BBS2: variants seen among roughly 807,000 people sequenced by gnomAD.
BBS2 encodes BBSome complex member BBS2.
In BBS2, 62 loss-of-function variants were observed where a neutral mutation model predicts 83.0. The ratio of observed to expected loss-of-function variants is 0.75; its 90% CI spans 0.61 to 0.92. BBS2 has a LOEUF of 0.92. Ranked by LOEUF, BBS2 falls within the 40% of genes least tolerant of loss-of-function variation. The pLI is 0.00. For missense variants in BBS2, 784 were observed against 901.0 expected (o/e 0.87, Z 1.66); for synonymous variants, 303 against 326.1 (o/e 0.93, Z 0.76).
In BBS2 at chr16:56,510,875, C is replaced by G. The variant is rs750388760; in HGVS notation, c.518G>C (p.Gly173Ala). ...VNSLALCDFD[G>A]DGKKELLVGS... ...CCCACATACCTCTTTCTTTCCATCA[C>G]CATCAAAGTCACACAAGGCCAAGGA... Residue 173 changes from glycine to alanine, a missense_variant, in exon 4 of 17, where the codon GGT becomes GCT. Coordinates refer to ENST00000245157, the MANE Select transcript of BBS2 (RefSeq NM_031885.5). The G allele has an allele frequency of 6.2e-7, 1 of 1,614,096 alleles. No individual in the cohort carries two copies. The highest frequency in any genetic ancestry group is 2.2e-5 in the East Asian group (1 of 44,886).
At position 56,497,846 on chromosome 16, in the gene BBS2, C is replaced by T; in HGVS notation, c.1694G>A (p.Gly565Asp). 1 of 1,612,096 alleles carries T rather than the reference C, an allele frequency of 6.2e-7. No homozygotes were observed. Among genetic ancestry groups the T allele is most frequent in the South Asian group, 1.1e-5 (1 of 91,066 alleles). The change falls in exon 14 of 17, where the codon GGT becomes GAT. Residue 565 changes from glycine (G) to aspartate (D), a missense_variant. Physicochemically the swap from Gly to Asp is moderately conservative, Grantham distance 94. Transcript: ENST00000245157. ...TINTDDIDLA[G>D]DIIQSMASFF... is the part of the protein sequence containing the mutation. ...TGATGCCATTGACTGGATGATATCA[C>T]CAGCCAAATCAATATCATCAGTATT...
chr16:56,483,948 G>A (rs1352877559), downstream of BBS2, among the ~76,000 whole-genome samples: 9 of 150,612 alleles, frequency 6.0e-5, no homozygotes, highest in South Asian at 2.1e-4. Context: ...GGATCCACCC[G>A]CCTTGGCCTC....
At chr16:56,494,009 A>T (rs1964038393) in intron 15 of BBS2, among the ~76,000 whole-genome samples, 1 of 151,742 alleles carries the variant, frequency 6.6e-6, no homozygotes, top group Non-Finnish European at 1.5e-5. Context: ...CCCAGGCTGG[A>T]TTGCAGTGTC....
chr16:56,470,663 A>C, exon 18 of BBS2: 1 of 1,614,208 alleles, frequency 6.2e-7, no homozygotes, highest in South Asian at 1.1e-5. Context: ...GAAACCACTG[A>C]TATCACTGAA....
At chr16:56,510,070 A>G in intron 4 of BBS2, 36 bp from the exon 5 acceptor site, 1 of 1,598,278 alleles carries the variant, frequency 6.3e-7, no homozygotes, top group East Asian at 2.2e-5. Context: ...CAGGTGAGTA[A>G]GTGCAAACAA....
chr16:56,478,443 T>C (rs1963572471), intron 17 of BBS2: 1 of 152,192 alleles, frequency 6.6e-6, no homozygotes, highest in African/African-American at 2.4e-5. Flanking sequence ...TTACTAATGG[T>C]TAATGTCACA....
chr16:56,514,365 C>T lies in BBS2; in HGVS notation c.345+88G>A, dbSNP rs189367954. On this transcript the variant is annotated intron_variant, in intron 2 of 16. Coordinates refer to ENST00000245157, the MANE Select transcript of BBS2 (RefSeq NM_031885.5). ...CTATAACAGTCATACAACAAACAGA[C>T]CAAAATAAATGATCTGATCTCTTCT... 251 of 1,286,508 alleles carry T rather than the reference C, an allele frequency of 2.0e-4. 2 individuals carry two copies. In the African/African-American group the frequency reaches 2.6e-3, roughly 14 times the overall value. 79.7% of individuals were successfully genotyped at this position (1,286,508 alleles called of 1,614,324 possible). A position where few individuals can be genotyped will look rare whatever the true frequency, so the allele number is the denominator to read the frequency against.
chr16:56,514,352 T>C (rs1173687265), intron 2 of BBS2, 101 bp downstream of exon 2: 4 of 1,126,886 alleles, frequency 3.5e-6, no homozygotes, highest in Non-Finnish European at 5.3e-6. Flanking sequence ...ATAACAGTCA[T>C]ACAACAAACA....
At position 56,510,011 on chromosome 16, in the gene BBS2, A is replaced by G. The variant is rs768109068; in HGVS notation, c.558T>C (p.Phe186=). The change falls in exon 5 of 17, where the codon TTT becomes TTC. Residue 186 remains phenylalanine (F), a synonymous_variant. Transcript: ENST00000245157. The stretch of plus-strand genomic sequence containing the variant: ...CATCTTCCTTAAAAACTCGGATATC[A>G]AAATCCTCAGATCCAACAAGAAGCT... ...KKELLVGSED[F]DIRVFKEDEI... 6.8e-6 allele frequency: 11 copies of G among 1,614,026 alleles called. No homozygotes were observed. In the East Asian group the frequency reaches 2.4e-4, roughly 36 times the overall value.
chr16:56,470,797 C>A, intron 17 of BBS2: 1 of 1,577,048 alleles, frequency 6.3e-7, no homozygotes, highest in Non-Finnish European at 8.6e-7. Flanking sequence ...GAAAGGTAAG[C>A]TGTTGTTAGG....
rs867602304 is a variant in BBS2, at chr16:56,519,997, C to T, written c.-135G>A. ...CGCCTCAGGCCGGACGCGAAACAGC[C>T]CGGGACGAACCCGTCCAGGTACCGC... On this transcript the variant is annotated 5_prime_UTR_variant, in exon 1 of 17. Coordinates refer to ENST00000245157, the MANE Select transcript of BBS2 (RefSeq NM_031885.5). The T allele has an allele frequency of 8.0e-6, 6 of 748,124 alleles. No individual in the cohort carries two copies. The highest frequency in any genetic ancestry group is 3.2e-4 in the Middle Eastern group (1 of 3,088). The allele number at this position is 748,124 out of a possible 1,614,324, so 46.3% of individuals were successfully genotyped here.
chr16:56,511,379 G>T, intron 2 of BBS2, 95 bp from the exon 3 acceptor site: 1 of 1,522,820 alleles, frequency 6.6e-7, no homozygotes, highest in South Asian at 1.1e-5. Flanking sequence ...AGCAGATTTT[G>T]AGTAAAACAG....
intron 13 of BBS2, 131 bp from the exon 14 acceptor site, chr16:56,498,011 G>C (rs984756199): frequency 2.0e-6 from 2 of 993,928 alleles, no homozygotes; most frequent in Non-Finnish European, 3.0e-6. Context: ...GTTGAAAAAG[G>C]AAAGTTTAGC....
In BBS2 at chr16:56,519,814, G is replaced by C. The variant is rs1398091050; in HGVS notation, c.49C>G (p.Arg17Gly). 3 of 1,613,864 alleles carry C rather than the reference G, an allele frequency of 1.9e-6. No homozygotes were observed. The South Asian group carries it at 3.3e-5, about 18-fold the overall frequency. ...TLKLRHKISP[R>G]MVAIGRYDGT... ...TCGTAGCGCCCTATGGCCACCATTC[G>C]GGGGCTGATTTTGTGGCGCAGTTTC... The change falls in exon 1 of 17, where the codon CGA becomes GGA. Residue 17 changes from arginine (R) to glycine (G), a missense_variant. Arg to Gly is a moderately radical substitution (Grantham distance 125). Coordinates refer to ENST00000245157, the MANE Select transcript of BBS2 (RefSeq NM_031885.5).
At chr16:56,516,275 T>A (rs1293368290) in intron 1 of BBS2, 1 of 152,198 alleles carries the variant, frequency 6.6e-6, no homozygotes, top group African/African-American at 2.4e-5. Flanking sequence ...GTTCACACTT[T>A]TGTTCTAGCT....
At chr16:56,494,688 C>A (rs1233765840) in intron 15 of BBS2, among the ~76,000 whole-genome samples, 2 of 152,180 alleles carry the variant, frequency 1.3e-5, no homozygotes, top group Admixed American at 1.3e-4. Context: ...AAAGGCCGGG[C>A]GCAGTAGCTC....
rs776829338 is a variant in BBS2 at position 56,498,508 on chromosome 16, G to A, written c.1588C>T (p.Pro530Ser). 6.2e-7 allele frequency: 1 copy of A among 1,613,994 alleles called. No individual in the cohort carries two copies. The highest frequency in any genetic ancestry group is 8.5e-7 in the Non-Finnish European group (1 of 1,179,998). ...LPEDTHIQNAPFQVCFTSLRN... is the reference protein window; with the variant it reads ...LPEDTHIQNASFQVCFTSLRN... ...AAAGATGTGAAACACACTTGAAATG[G>A]AGCATTCTGAATGTGAGTGTCTTCT... is the stretch of plus-strand genomic sequence containing the variant. The change falls in exon 13 of 17, where the codon CCA becomes TCA. Residue 530 changes from proline to serine, a missense_variant. Physicochemically the swap from Pro to Ser is moderately conservative, Grantham distance 74. Coordinates refer to ENST00000245157, the MANE Select transcript of BBS2 (RefSeq NM_031885.5).
intron 5 of BBS2, among the ~76,000 whole-genome samples, chr16:56,507,504 A>T (rs1045693784): frequency 2.0e-5 from 3 of 152,254 alleles, no homozygotes; most frequent in African/African-American, 7.2e-5. Context: ...GAAAAGATTT[A>T]CCACAAATTA....
chr16:56,491,804 A>C (rs1963961029), intron 15 of BBS2, among the ~76,000 whole-genome samples: 1 of 151,744 alleles, frequency 6.6e-6, no homozygotes, highest in African/African-American at 2.4e-5. Flanking sequence ...TCTCCAAACA[A>C]GAAAAGCAAA....
Sources: allele counts gnomAD v4.1 joint callset (sites outside exome capture counted in the v4.1 genomes callset), GRCh38; gene constraint gnomAD v4.1.1; transcripts MANE v1.5; gene names NCBI Gene and HGNC (gene_info 2026-07-23, HGNC 2026-07-21).